Variants in MAD1L1 observed in about 807,000 individuals in gnomAD.
The protein encoded by MAD1L1 is mitotic arrest deficient 1 like 1.
Under a neutral mutation model 96.9 loss-of-function variants are expected in MAD1L1, and 95 were observed. The ratio of observed to expected loss-of-function variants is 0.98; its 90% CI spans 0.83 to 1.16. The LOEUF (loss-of-function observed/expected upper bound fraction) is 1.16, where lower values mean the gene tolerates loss of function less well. MAD1L1 is among the 50% of genes most tolerant of loss of function. MAD1L1 has a pLI of 0.00. For synonymous variants in MAD1L1, 473 were observed against 396.6 expected (o/e 1.19, Z -2.29); for missense variants, 1,007 against 954.4 (o/e 1.06, Z -0.73).
At chr7:2,013,915 T>A (rs567113266) in intron 13 of MAD1L1, among the ~76,000 whole-genome samples, 1 of 152,144 alleles carries the variant, frequency 6.6e-6, no homozygotes, top group Non-Finnish European at 1.5e-5. Flanking sequence ...AGCGTCACGG[T>A]GGCCCATGGG....
At chr7:2,097,153 C>T (rs1469477223) in intron 11 of MAD1L1, among the ~76,000 whole-genome samples, 3 of 152,192 alleles carry the variant, frequency 2.0e-5, no homozygotes, top group East Asian at 3.9e-4. Context: ...CACAGGCTCA[C>T]CCTACTCGGC....
chr7:2,077,866 A>G (rs1785452579), intron 11 of MAD1L1, among the ~76,000 whole-genome samples: 1 of 152,324 alleles, frequency 6.6e-6, no homozygotes, highest in South Asian at 2.1e-4. Flanking sequence ...CAAGAACTGT[A>G]CACAGAGCTG....
intron 11 of MAD1L1, among the ~76,000 whole-genome samples, chr7:2,122,138 A>G (rs1788009469): frequency 6.6e-6 from 1 of 152,180 alleles, no homozygotes; most frequent in African/African-American, 2.4e-5. Flanking sequence ...ATCCACAGAA[A>G]AGCCATCACC....
chr7:1,885,985 T>G (rs1207035706), intron 18 of MAD1L1, among the ~76,000 whole-genome samples: 1 of 152,170 alleles, frequency 6.6e-6, no homozygotes, highest in Non-Finnish European at 1.5e-5. Context: ...CTGCCTCCTC[T>G]CCTCCACCAG....
chr7:2,136,592 C>T (rs1402545660), intron 11 of MAD1L1, among the ~76,000 whole-genome samples: 1 of 152,194 alleles, frequency 6.6e-6, no homozygotes, highest in Non-Finnish European at 1.5e-5. Flanking sequence ...AGTGCACTCA[C>T]CTGCCCAAAG....
intron 18 of MAD1L1, among the ~76,000 whole-genome samples, chr7:1,883,946 C>A (rs1160122473): frequency 6.6e-6 from 1 of 152,224 alleles, no homozygotes; most frequent in African/African-American, 2.4e-5. Flanking sequence ...AGGGGAATCG[C>A]GTGCAGCTGA....
chr7:1,936,794 T>A lies in MAD1L1; in HGVS notation c.1700A>T (p.Glu567Val), dbSNP rs1345740834. The change falls in exon 17 of 19, where the codon GAG (glutamate) becomes GTG (valine). Residue 567 changes from glutamate to valine, a missense_variant. Glu to Val is a moderately radical substitution (Grantham distance 121). Transcript: ENST00000265854. ...LREDHSQLQA[E>V]CERLRGLLRA... ...CAGGAGCCCGCGCAGTCGCTCGCAC[T>A]CCGCCTGCAGCTGGCTGTGGTCCTC... 4 of 1,587,892 alleles carry A rather than the reference T, an allele frequency of 2.5e-6. No individual in the cohort carries two copies. The highest frequency in any genetic ancestry group is 1.3e-5 in the African/African-American group (1 of 74,608).
At chr7:2,010,412 G>A (rs543296097) in intron 13 of MAD1L1, among the ~76,000 whole-genome samples, 2 of 152,298 alleles carry the variant, frequency 1.3e-5, no homozygotes, top group Non-Finnish European at 2.9e-5. Flanking sequence ...CACACGGCCA[G>A]CAGCGCAGTA....
intron 11 of MAD1L1, among the ~76,000 whole-genome samples, chr7:2,104,318 C>A (rs972525952): frequency 2.0e-4 from 30 of 152,262 alleles, no homozygotes; most frequent in Non-Finnish European, 7.3e-5. Context: ...GGAGAGAAAA[C>A]ACAGGAAGAC....
At chr7:1,831,508 A>G (rs1415298295) in intron 18 of MAD1L1, among the ~76,000 whole-genome samples, 1 of 152,240 alleles carries the variant, frequency 6.6e-6, no homozygotes, top group East Asian at 1.9e-4. Context: ...CAAGTGAAAG[A>G]AGACTCACAT....
intron 11 of MAD1L1, among the ~76,000 whole-genome samples, chr7:2,083,635 G>A (rs1423409665): frequency 6.6e-6 from 1 of 152,252 alleles, no homozygotes; most frequent in East Asian, 1.9e-4. Context: ...CCGTGGCCAA[G>A]ATGGAAGAGG....
At chr7:1,889,382 C>T (rs532455735) in intron 18 of MAD1L1, among the ~76,000 whole-genome samples, 29 of 152,338 alleles carry the variant, frequency 1.9e-4, no homozygotes, top group Non-Finnish European at 4.0e-4. Flanking sequence ...GGCATCCTCA[C>T]GGGCACTCTT....
In MAD1L1 at chr7:1,937,674, G is replaced by A. The variant is rs1019031799; in HGVS notation, c.1597-777C>T. On this transcript the variant is annotated intron_variant, in intron 16 of 18. Transcript: ENST00000265854. ...TGCGCACCCGAGACCCCGACCTCAC[G>A]CCACACACAAACATCAGCCGCCCAC... Among the ~76,000 whole-genome samples, 14 of 143,258 alleles carry A rather than the reference G, an allele frequency of 9.8e-5. 1 individual carries two copies. Among genetic ancestry groups the A allele is most frequent in the African/African-American group, 3.1e-4 (12 of 38,672 alleles). 94.0% of individuals were successfully genotyped at this position (143,258 alleles called of 152,430 possible).
chr7:2,031,298 C>T (rs1783215452), intron 12 of MAD1L1, among the ~76,000 whole-genome samples: 1 of 152,180 alleles, frequency 6.6e-6, no homozygotes, highest in African/African-American at 2.4e-5. Flanking sequence ...CCTCTGGCTT[C>T]CTGCCGTCAC....
At chr7:1,987,103 T>C (rs1007987243) in intron 14 of MAD1L1, among the ~76,000 whole-genome samples, 5 of 152,308 alleles carry the variant, frequency 3.3e-5, no homozygotes, top group African/African-American at 1.2e-4. Context: ...CCAGTGGAAA[T>C]GCCGCCTTCC....
intron 18 of MAD1L1, among the ~76,000 whole-genome samples, chr7:1,867,268 C>T (rs936677561): frequency 1.3e-5 from 2 of 152,136 alleles, no homozygotes; most frequent in South Asian, 2.1e-4. Context: ...CAGAGGCCTT[C>T]GGGGCTAATG....
chr7:1,889,380 C>T (rs1483354378), intron 18 of MAD1L1, among the ~76,000 whole-genome samples: 1 of 152,236 alleles, frequency 6.6e-6, no homozygotes, highest in East Asian at 1.9e-4. Context: ...GTGGCATCCT[C>T]ACGGGCACTC....
intron 11 of MAD1L1, among the ~76,000 whole-genome samples, chr7:2,100,184 C>G (rs1562686580): frequency 1.3e-5 from 2 of 152,188 alleles, no homozygotes. Flanking sequence ...CAGTCAGCTG[C>G]AAGTACTTTC....
intron 11 of MAD1L1, among the ~76,000 whole-genome samples, chr7:2,097,963 A>C (rs1584314074): frequency 6.6e-6 from 1 of 152,244 alleles, no homozygotes; most frequent in East Asian, 1.9e-4. Context: ...CGGGGAGGGC[A>C]CGCTCAGCAG....
Sources: gnomAD v4.1 joint callset for allele counts (sites outside exome capture counted in the v4.1 genomes callset) on GRCh38, gnomAD v4.1.1 for gene constraint, MANE v1.5 for transcripts, NCBI Gene and HGNC (gene_info 2026-07-23, HGNC 2026-07-21) for gene names.